The following DYM variants were observed in gnomAD, a reference collection of about 807,000 sequenced individuals.
DYM encodes dyggve-Melchior-Clausen syndrome protein.
In DYM, 78 loss-of-function variants were observed where a neutral mutation model predicts 93.1. The observed-to-expected ratio is 0.84, with a 90% CI of 0.70 to 1.01. DYM has a LOEUF of 1.01. Ranked by LOEUF, DYM falls within the 50% of genes least tolerant of loss-of-function variation. The probability of loss-of-function intolerance (pLI) is 0.00; values close to 1 mark genes in which losing one functional copy is unlikely to be tolerated. For missense variants in DYM, 789 were observed against 845.0 expected, an observed-to-expected ratio of 0.93 and a Z score of 0.82; for synonymous variants, 321 against 319.7, an observed-to-expected ratio of 1.00 and a Z score of -0.04.
chr18:49,285,737 T>C (rs1203647238), intron 9 of DYM, among the ~76,000 whole-genome samples: 1 of 152,254 alleles, frequency 6.6e-6, no homozygotes, highest in Non-Finnish European at 1.5e-5. Flanking sequence ...TGAGCAGCAC[T>C]TGACTATACT....
intron 13 of DYM, among the ~76,000 whole-genome samples, chr18:49,211,968 C>A (rs2092806987): frequency 1.3e-5 from 2 of 152,158 alleles, no homozygotes; most frequent in African/African-American, 4.8e-5. Context: ...GTATCACCAG[C>A]ACTTTAAACA....
chr18:49,239,013 C>T (rs777401113), intron 13 of DYM, among the ~76,000 whole-genome samples: 31 of 152,122 alleles, frequency 2.0e-4, no homozygotes, highest in Admixed American at 3.9e-4. Flanking sequence ...TAACACAGCC[C>T]TACATTTTCT....
chr18:49,131,849 C>G (rs2083407478), intron 15 of DYM, among the ~76,000 whole-genome samples: 1 of 151,774 alleles, frequency 6.6e-6, no homozygotes, highest in Non-Finnish European at 1.5e-5. Context: ...TAAATGACAC[C>G]AAAAGGAAAC....
intron 8 of DYM, among the ~76,000 whole-genome samples, chr18:49,330,561 T>G (rs928407793): frequency 6.6e-6 from 1 of 152,208 alleles, no homozygotes. Flanking sequence ...AATCCATGTT[T>G]ACTTTTTTAA....
At chr18:49,380,342 G>T (rs1414407828) in intron 3 of DYM, among the ~76,000 whole-genome samples, 2 of 152,064 alleles carry the variant, frequency 1.3e-5, no homozygotes, top group African/African-American at 2.4e-5. Context: ...TCTAGATCCA[G>T]GTCTATAATT....
chr18:49,363,751 C>T (rs1227301855), intron 5 of DYM, among the ~76,000 whole-genome samples: 1 of 152,192 alleles, frequency 6.6e-6, no homozygotes, highest in Non-Finnish European at 1.5e-5. Flanking sequence ...AAGAGGCCAA[C>T]CTCCTCTTTA....
chr18:49,284,045 ATAT>A (rs150423226), intron 9 of DYM, among the ~76,000 whole-genome samples: 2,271 of 152,260 alleles, frequency 0.015, 57 homozygotes, highest in African/African-American at 0.052. Context: ...GAGTATGCAG[ATAT>A]TATGGAATCT....
chr18:49,222,156 A>C (rs2093386929), intron 13 of DYM, among the ~76,000 whole-genome samples: 1 of 152,208 alleles, frequency 6.6e-6, no homozygotes, highest in East Asian at 1.9e-4. Context: ...TAATATTGTG[A>C]AACAACTATA....
intron 14 of DYM, among the ~76,000 whole-genome samples, chr18:49,187,326 T>A (rs1353583948): frequency 6.6e-6 from 1 of 152,186 alleles, no homozygotes; most frequent in Non-Finnish European, 1.5e-5. Context: ...CTTGCCCAAT[T>A]CTGAGTATCA....
chr18:49,248,339 T>C (rs1450036609), intron 13 of DYM, among the ~76,000 whole-genome samples: 1 of 152,226 alleles, frequency 6.6e-6, no homozygotes, highest in Non-Finnish European at 1.5e-5. Flanking sequence ...GTAGAGATGT[T>C]ATCCAGATTT....
At chr18:49,113,775 T>G (rs749270489) in intron 16 of DYM, among the ~76,000 whole-genome samples, 1 of 152,246 alleles carries the variant, frequency 6.6e-6, no homozygotes. Flanking sequence ...ATGTTATTTA[T>G]ATCTTTATCA....
At chr18:49,161,108 T>A (rs1238902006) in intron 15 of DYM, among the ~76,000 whole-genome samples, 2 of 151,592 alleles carry the variant, frequency 1.3e-5, no homozygotes, top group African/African-American at 2.4e-5. Context: ...AAAAGGATTG[T>A]CAATGACAGA....
chr18:49,247,691 A>C (rs2094201590), intron 13 of DYM, among the ~76,000 whole-genome samples: 1 of 152,244 alleles, frequency 6.6e-6, no homozygotes, highest in African/African-American at 2.4e-5. Context: ...ATGTGCCAGC[A>C]GTCTAAACTG....
intron 14 of DYM, among the ~76,000 whole-genome samples, chr18:49,193,696 TC>T (rs939442095): frequency 1.6e-4 from 25 of 152,356 alleles, no homozygotes; most frequent in Admixed American, 9.1e-4. Context: ...GCTGTGACAT[TC>T]AATAAGATGA....
At chr18:49,397,727 G>A (rs927437814) in intron 2 of DYM, among the ~76,000 whole-genome samples, 1 of 152,112 alleles carries the variant, frequency 6.6e-6, no homozygotes, top group Non-Finnish European at 1.5e-5. Context: ...TGTAATTGCT[G>A]ACCACCTGAA....
chr18:49,457,433 TAC>T (rs2083080290), intron 1 of DYM, among the ~76,000 whole-genome samples: 1 of 152,244 alleles, frequency 6.6e-6, no homozygotes, highest in Non-Finnish European at 1.5e-5. Context: ...ATTGCTTTTA[TAC>T]TTAAATCATT....
intron 14 of DYM, among the ~76,000 whole-genome samples, chr18:49,172,615 G>A (rs2088894988): frequency 6.6e-6 from 1 of 152,074 alleles, no homozygotes; most frequent in African/African-American, 2.4e-5. Flanking sequence ...TTCTCCCTGA[G>A]TTGTAAGAGT....
At chr18:49,433,696 C>A (rs1387196358) in intron 1 of DYM, among the ~76,000 whole-genome samples, 1 of 151,920 alleles carries the variant, frequency 6.6e-6, no homozygotes, top group African/African-American at 2.4e-5. Context: ...AGTGAAAACC[C>A]GTCTCTACTA....
intron 13 of DYM, among the ~76,000 whole-genome samples, chr18:49,215,077 CA>C (rs1208524866): frequency 6.6e-6 from 1 of 152,202 alleles, no homozygotes; most frequent in African/African-American, 2.4e-5. Context: ...TAAATTCTAA[CA>C]ATTAGAAAAC....
Sources: allele counts gnomAD v4.1 joint callset (sites outside exome capture counted in the v4.1 genomes callset), GRCh38; gene constraint gnomAD v4.1.1; transcripts MANE v1.5; gene names NCBI Gene and HGNC (gene_info 2026-07-23, HGNC 2026-07-21).